The following IGF2BP1 variants were observed in gnomAD, a reference collection of about 807,000 sequenced individuals.
The protein encoded by IGF2BP1 is insulin-like growth factor 2 mRNA-binding protein 1.
A neutral mutation model predicts 74.9 loss-of-function variants in IGF2BP1; 11 were observed. That is an observed-to-expected ratio of 0.15 (90% CI 0.09 to 0.24). IGF2BP1 has a LOEUF of 0.24. IGF2BP1 is among the 10% of genes least tolerant of loss of function. IGF2BP1 has a pLI of 1.00. For missense variants in IGF2BP1, 440 were observed against 757.4 expected (o/e 0.58, Z 4.92); for synonymous variants, 287 against 281.8 (o/e 1.02, Z -0.18).
chr17:49,018,973 A>G (rs752300485), intron 2 of IGF2BP1, among the ~76,000 whole-genome samples: 1 of 152,100 alleles, frequency 6.6e-6, no homozygotes. Flanking sequence ...CAGGGGCCCT[A>G]GGGGAATTGG....
chr17:49,025,370 C>CGA (rs1020717233), intron 2 of IGF2BP1, among the ~76,000 whole-genome samples: 1 of 136,062 alleles, frequency 7.3e-6, no homozygotes, highest in Non-Finnish European at 1.6e-5. Flanking sequence ...GGAATGTTAA[C>CGA]AGAGTGCTTA....
rs2042189058 is a variant in IGF2BP1, at chr17:49,053,339, T to C, written c.*3895T>C. 6.5e-6 allele frequency: 1 copy of C among 152,720 alleles called. No homozygotes were observed. The highest frequency in any genetic ancestry group is 1.5e-5 in the Non-Finnish European group (1 of 68,120). 9.5% of individuals were successfully genotyped at this position (152,720 alleles called of 1,614,324 possible). On this transcript the variant is annotated 3_prime_UTR_variant, in exon 15 of 15. Transcript: ENST00000290341. ...CCTGAATCAAAGCAATAGCCAGCTT[T>C]CGACACATACCTGGCTGTCTGAGGA...
At chr17:49,006,918 T>C (rs1345077075) in intron 2 of IGF2BP1, among the ~76,000 whole-genome samples, 1 of 152,164 alleles carries the variant, frequency 6.6e-6, no homozygotes, top group Non-Finnish European at 1.5e-5. Flanking sequence ...GATAATGCTA[T>C]TAATTGTTCT....
intron 6 of IGF2BP1, among the ~76,000 whole-genome samples, chr17:49,039,118 C>T (rs1347803679): frequency 2.6e-5 from 4 of 152,114 alleles, no homozygotes; most frequent in East Asian, 1.9e-4. Context: ...CCTCGTGATC[C>T]GGCCGCCTCA....
intron 4 of IGF2BP1, among the ~76,000 whole-genome samples, chr17:49,027,724 C>A (rs1326941504): frequency 6.6e-6 from 1 of 151,656 alleles, no homozygotes; most frequent in Non-Finnish European, 1.5e-5. Context: ...TGGTGGCGGG[C>A]ACCTGTAATC....
chr17:49,001,998 C>A (rs1475803245), intron 2 of IGF2BP1, among the ~76,000 whole-genome samples: 1 of 151,798 alleles, frequency 6.6e-6, no homozygotes, highest in African/African-American at 2.4e-5. Flanking sequence ...CAACTGGTGT[C>A]ATCAAAATAA....
At chr17:49,022,235 GT>G (rs2041801484) in intron 2 of IGF2BP1, among the ~76,000 whole-genome samples, 1 of 152,184 alleles carries the variant, frequency 6.6e-6, no homozygotes, top group African/African-American at 2.4e-5. Flanking sequence ...CCTTCTCTAA[GT>G]GTTTGTGGAA....
intron 10 of IGF2BP1, 151 bp downstream of exon 10, chr17:49,043,701 T>TAGCTCTGAGGCTCCC: frequency 9.7e-7 from 1 of 1,033,714 alleles, no homozygotes; most frequent in Non-Finnish European, 1.4e-6. Flanking sequence ...CCAGTGCTCC[T>TAGCTCTGAGGCTCCC]AGCCACTGGC....
rs1486312121 is a variant in IGF2BP1, at chr17:49,042,234, T to C, written c.942-8T>C. On this transcript the variant is annotated splice_region_variant and splice_polypyrimidine_tract_variant and intron_variant, in intron 8 of 14. Coordinates refer to ENST00000290341, the MANE Select transcript of IGF2BP1 (RefSeq NM_006546.4). ...AGTGAAAGGACACAACTCTGCTCTT[T>C]CTGCCAGGTTGCAAGACCTTACCCT... 51 of 1,614,182 alleles carry C rather than the reference T, an allele frequency of 3.2e-5. No homozygotes were observed. In the East Asian group the frequency reaches 1.1e-3, roughly 35 times the overall value.
intron 14 of IGF2BP1, among the ~76,000 whole-genome samples, chr17:49,048,185 A>G (rs946268741): frequency 2.0e-5 from 3 of 151,924 alleles, no homozygotes; most frequent in African/African-American, 7.3e-5. Context: ...TATTTTGTCC[A>G]TTTTTACAGT....
Position 49,053,044 on chromosome 17 carries a change from T to C in IGF2BP1, c.*3600T>C, listed in dbSNP as rs1449158178. On this transcript the variant is annotated 3_prime_UTR_variant, in exon 15 of 15. Transcript: ENST00000290341. ...GTGGACTCAGCTCCTGTGAGGGGTC[T>C]GGTTAGGAGAGAGCCATTTTTAAGG... 6.6e-6 allele frequency: 1 copy of C among 152,220 alleles called. No individual in the cohort carries two copies. Among genetic ancestry groups the C allele is most frequent in the Non-Finnish European group, 1.5e-5 (1 of 68,032 alleles). 9.4% of individuals were successfully genotyped at this position (152,220 alleles called of 1,614,324 possible).
intron 2 of IGF2BP1, among the ~76,000 whole-genome samples, chr17:49,003,991 G>A (rs992415509): frequency 3.9e-5 from 6 of 152,158 alleles, no homozygotes; most frequent in Admixed American, 3.9e-4. Flanking sequence ...AGTAGAGAGA[G>A]AGAAAGTGGC....
chr17:49,000,869 T>C (rs1446138511), intron 2 of IGF2BP1, among the ~76,000 whole-genome samples: 5 of 152,054 alleles, frequency 3.3e-5, no homozygotes, highest in Admixed American at 1.3e-4. Context: ...AGGCCCTTTT[T>C]CCCTCCAAAA....
rs943445496 is a variant in IGF2BP1 at position 49,055,587 on chromosome 17, C to T, written c.*6143C>T. The stretch of plus-strand genomic sequence containing the variant: ...TGTTAGCCACTGCTATGTAAAAGCA[C>T]GTTCAAAATGAATTTCAGCAGATTA... On this transcript the variant is annotated 3_prime_UTR_variant, in exon 15 of 15. Transcript: ENST00000290341. 11 of 398,432 alleles carry T rather than the reference C, an allele frequency of 2.8e-5. No homozygotes were observed. The highest frequency in any genetic ancestry group is 1.3e-4 in the South Asian group (1 of 7,848). 24.7% of individuals were successfully genotyped at this position (398,432 alleles called of 1,614,324 possible).
intron 6 of IGF2BP1, 67 bp downstream of exon 6, chr17:49,038,516 C>T (rs1334419087): frequency 8.7e-6 from 12 of 1,374,418 alleles, no homozygotes; most frequent in Non-Finnish European, 1.1e-5. Flanking sequence ...CTAAAGAGGC[C>T]TCCTGGAAGC....
Position 49,049,660 on chromosome 17 carries a change from C to T in IGF2BP1, c.*216C>T, listed in dbSNP as rs529995922. The T allele has an allele frequency of 5.9e-6, 3 of 507,974 alleles. No individual in the cohort carries two copies. Among genetic ancestry groups the T allele is most frequent in the East Asian group, 6.8e-5 (2 of 29,278 alleles). The allele number at this position is 507,974 out of a possible 1,614,324, so 31.5% of individuals were successfully genotyped here. On this transcript the variant is annotated 3_prime_UTR_variant, in exon 15 of 15. Transcript: ENST00000290341. ...AATTGGCCCAACACTGTCTGCCCCT[C>T]GGGGTGTCAGAAATTCTAGCGCAAG...
At chr17:49,045,793 T>TG (rs1336180248) in intron 12 of IGF2BP1, 97 bp from the exon 13 acceptor site, 2 of 1,361,378 alleles carry the variant, frequency 1.5e-6, no homozygotes, top group Admixed American at 4.3e-5. Flanking sequence ...GGAGGGCCTG[T>TG]GGGCCAGAAA....
At chr17:49,012,180 C>T (rs1441316424) in intron 2 of IGF2BP1, among the ~76,000 whole-genome samples, 2 of 152,180 alleles carry the variant, frequency 1.3e-5, no homozygotes, top group South Asian at 2.1e-4. Flanking sequence ...GCTGGAATTA[C>T]AGGCATGAGC....
At chr17:49,023,617 G>A (rs2041817587) in intron 2 of IGF2BP1, among the ~76,000 whole-genome samples, 1 of 152,112 alleles carries the variant, frequency 6.6e-6, no homozygotes, top group African/African-American at 2.4e-5. Flanking sequence ...TGTCAGGTAG[G>A]AATACTGAGG....
Sources: allele counts gnomAD v4.1 joint callset (sites outside exome capture counted in the v4.1 genomes callset), GRCh38; gene constraint gnomAD v4.1.1; transcripts MANE v1.5; gene names NCBI Gene and HGNC (gene_info 2026-07-23, HGNC 2026-07-21).